Variants in PPM1L observed in about 807,000 individuals in gnomAD.
The protein encoded by PPM1L is protein phosphatase 1L.
In PPM1L, 13 loss-of-function variants were observed where a neutral mutation model predicts 31.4. The observed-to-expected ratio is 0.41, with a 90% CI of 0.27 to 0.66. The LOEUF is 0.66. Among genes scored for constraint, PPM1L ranks in the 30% least tolerant of loss-of-function variants. The pLI is 0.29. For missense variants in PPM1L, 326 were observed against 453.7 expected (o/e 0.72, Z 2.56); for synonymous variants, 184 against 175.4 (o/e 1.05, Z -0.39).
At chr3:160,807,708 A>G (rs1712644626) in intron 1 of PPM1L, among the ~76,000 whole-genome samples, 1 of 152,208 alleles carries the variant, frequency 6.6e-6, no homozygotes, top group East Asian at 1.9e-4. Flanking sequence ...TTTCAGGAAA[A>G]AAAATGAAAA....
At chr3:161,004,988 A>G (rs1275707223) in intron 2 of PPM1L, among the ~76,000 whole-genome samples, 1 of 151,968 alleles carries the variant, frequency 6.6e-6, no homozygotes, top group African/African-American at 2.4e-5. Flanking sequence ...AGTGCTATAA[A>G]TTTCCCTCTA....
intron 1 of PPM1L, among the ~76,000 whole-genome samples, chr3:160,944,693 AAATT>A (rs1318000443): frequency 7.4e-6 from 1 of 134,748 alleles, no homozygotes; most frequent in Admixed American, 8.5e-5. Context: ...GCAAGCTAAA[AAATT>A]AATTTTATAT....
At chr3:160,969,493 T>C (rs554497240) in intron 2 of PPM1L, among the ~76,000 whole-genome samples, 1 of 151,698 alleles carries the variant, frequency 6.6e-6, no homozygotes, top group Non-Finnish European at 1.5e-5. Flanking sequence ...AAAGAGTGTG[T>C]TGAATTATTT....
At chr3:160,970,497 T>G (rs2108115700) in intron 2 of PPM1L, among the ~76,000 whole-genome samples, 1 of 148,262 alleles carries the variant, frequency 6.7e-6, no homozygotes, top group East Asian at 2.0e-4. Context: ...TTGCCCAGGC[T>G]GGAGTGCAGT....
rs1045393906 is a variant in PPM1L at position 161,072,820 on chromosome 3, T to C, written c.*3663T>C. The C allele has an allele frequency of 1.3e-5, 2 of 152,218 alleles. No individual in the cohort carries two copies. Among genetic ancestry groups the C allele is most frequent in the Admixed American group, 6.5e-5 (1 of 15,284 alleles). 9.4% of individuals were successfully genotyped at this position (152,218 alleles called of 1,614,324 possible). On this transcript the variant is annotated 3_prime_UTR_variant, in exon 4 of 4. Coordinates refer to ENST00000498165, the MANE Select transcript of PPM1L (RefSeq NM_139245.4). ...GCATATCATTGTATATTTGAAACTA[T>C]AGGAATATATACTTTGTATAAAACT...
Position 160,844,592 on chromosome 3 carries a change from C to T in PPM1L, c.399+87885C>T, listed in dbSNP as rs1714014008. On this transcript the variant is annotated intron_variant, in intron 1 of 3. Coordinates refer to ENST00000498165, the MANE Select transcript of PPM1L (RefSeq NM_139245.4). ...TGTTTCCATCCTCTTCACATGTCTT[C>T]TGCAGAGGAAAAGTTTTTAATCTTA... Among the ~76,000 whole-genome samples the T allele has an allele frequency of 2.0e-5, 3 of 152,254 alleles. No homozygotes were observed. In the South Asian group the frequency reaches 6.2e-4, roughly 32 times the overall value.
chr3:160,914,173 T>C (rs1215420930), intron 1 of PPM1L, among the ~76,000 whole-genome samples: 1 of 152,238 alleles, frequency 6.6e-6, no homozygotes, highest in African/African-American at 2.4e-5. Context: ...TTTTCATTTC[T>C]TTGGTGACTA....
chr3:160,865,930 G>A (rs1435251224), intron 1 of PPM1L, among the ~76,000 whole-genome samples: 2 of 152,186 alleles, frequency 1.3e-5, no homozygotes, highest in Non-Finnish European at 2.9e-5. Flanking sequence ...TAAAAAACAA[G>A]TAATATTAAA....
rs1183186388 is a variant in PPM1L at position 161,065,409 on chromosome 3, C to T, written c.581C>T (p.Thr194Met). 1.9e-6 allele frequency: 3 copies of T among 1,613,854 alleles called. No individual in the cohort carries two copies. Among genetic ancestry groups the T allele is most frequent in the Non-Finnish European group, 1.7e-6 (2 of 1,179,828 alleles). Residue 194 changes from threonine (T) to methionine (M), a missense_variant, in exon 3 of 4, where the codon ACG (threonine) becomes ATG (methionine). Physicochemically the swap from Thr to Met is moderately conservative, Grantham distance 81. Around this residue, in one of 3 missense-constraint regions of PPM1L, gnomAD observed 201 missense variants for 298.2 expected, o/e 0.67. Coordinates refer to ENST00000498165, the MANE Select transcript of PPM1L (RefSeq NM_139245.4). ...TCTCTCTTCTATTTTTCAGGCACAA[C>T]GTGTTTGATTGCTCTGCTATCAGAT... ...LTVSYDEAGT[T>M]CLIALLSDKD... is the part of the protein sequence containing the mutation.
At chr3:160,924,325 T>A (rs1011203825) in intron 1 of PPM1L, among the ~76,000 whole-genome samples, 1 of 152,136 alleles carries the variant, frequency 6.6e-6, no homozygotes, top group Non-Finnish European at 1.5e-5. Flanking sequence ...TCGGAAGCAG[T>A]GTGGGTAATA....
At chr3:160,777,698 C>T (rs1027655422) in intron 1 of PPM1L, among the ~76,000 whole-genome samples, 4 of 152,088 alleles carry the variant, frequency 2.6e-5, no homozygotes, top group African/African-American at 9.7e-5. Context: ...GGATTTCTTT[C>T]GTTTTTAAGG....
intron 2 of PPM1L, among the ~76,000 whole-genome samples, chr3:161,045,302 A>G (rs1476286415): frequency 1.3e-5 from 2 of 152,164 alleles, no homozygotes; most frequent in Non-Finnish European, 2.9e-5. Context: ...CTCCACCACA[A>G]ATCAACAGAA....
intron 1 of PPM1L, among the ~76,000 whole-genome samples, chr3:160,812,603 A>C (rs891846001): frequency 4.6e-5 from 7 of 151,650 alleles, no homozygotes; most frequent in Non-Finnish European, 1.0e-4. Context: ...AAAACGTTTA[A>C]TAGGAGCATT....
chr3:160,774,219 C>T (rs137939937), intron 1 of PPM1L, among the ~76,000 whole-genome samples: 180 of 152,248 alleles, frequency 1.2e-3, no homozygotes, highest in African/African-American at 4.0e-3. Flanking sequence ...ACTCCTGAAG[C>T]TGCTGTGTCA....
intron 1 of PPM1L, among the ~76,000 whole-genome samples, chr3:160,961,202 TCTC>T (rs1009763322): frequency 2.0e-5 from 3 of 152,198 alleles, no homozygotes; most frequent in Non-Finnish European, 4.4e-5. Context: ...TTGTCTTAAA[TCTC>T]CTCATTTTCT....
At chr3:160,862,705 A>ACACACACACACACACACAC (rs1560130395) in intron 1 of PPM1L, among the ~76,000 whole-genome samples, 1 of 83,962 alleles carries the variant, frequency 1.2e-5, no homozygotes, top group East Asian at 3.3e-4. Context: ...CACACACACA[A>ACACACACACACACACACAC]AATTCTGAAA....
chr3:160,802,211 C>T (rs1043827965), intron 1 of PPM1L, among the ~76,000 whole-genome samples: 7 of 152,234 alleles, frequency 4.6e-5, no homozygotes, highest in Non-Finnish European at 8.8e-5. Context: ...TTTCTTTCAA[C>T]TCTGCCCTCA....
chr3:160,833,992 T>C (rs1713613035), intron 1 of PPM1L, among the ~76,000 whole-genome samples: 1 of 151,884 alleles, frequency 6.6e-6, no homozygotes, highest in South Asian at 2.1e-4. Flanking sequence ...TACAAATTTC[T>C]GCATATGGCT....
intron 1 of PPM1L, among the ~76,000 whole-genome samples, chr3:160,916,649 G>T (rs1714194242): frequency 1.3e-5 from 2 of 151,932 alleles, no homozygotes; most frequent in South Asian, 2.1e-4. Flanking sequence ...TTTTTTTTAA[G>T]ATAGCTGCTA....
Sources: gnomAD v4.1 joint callset for allele counts (sites outside exome capture counted in the v4.1 genomes callset) on GRCh38, gnomAD v4.1.1 for gene constraint, gnomAD v4.1.1 regional missense constraint, MANE v1.5 for transcripts, NCBI Gene and HGNC (gene_info 2026-07-23, HGNC 2026-07-21) for gene names.